Variants in DCAF13 observed in about 807,000 individuals in gnomAD.
DCAF13 encodes the protein DDB1 and CUL4 associated factor 13.
Under a neutral mutation model 59.0 loss-of-function variants are expected in DCAF13, and 38 were observed. That is an observed-to-expected ratio of 0.64 (90% CI 0.50 to 0.84). The LOEUF (loss-of-function observed/expected upper bound fraction) is 0.84. DCAF13 is among the 40% of genes least tolerant of loss of function. The probability of loss-of-function intolerance (pLI) is 0.00; values close to 1 mark genes in which losing one functional copy is unlikely to be tolerated. For synonymous variants in DCAF13, 173 were observed against 175.0 expected, an observed-to-expected ratio of 0.99 and a Z score of 0.09; for missense variants, 469 against 558.4, an observed-to-expected ratio of 0.84 and a Z score of 1.61.
At chr8:103,417,248 A>AT (rs956347693) in intron 1 of DCAF13, among the ~76,000 whole-genome samples, 5 of 152,034 alleles carry the variant, frequency 3.3e-5, no homozygotes, top group African/African-American at 7.2e-5. Context: ...TACTGCTTGA[A>AT]TTTTTTTTAT....
At chr8:103,430,391 CTAAA>C (rs10541932) in intron 5 of DCAF13, 129,708 of 289,042 alleles carry the variant, frequency 0.45, 30,258 homozygotes, top group African/African-American at 0.49. Flanking sequence ...GACTCTGTCT[CTAAA>C]TAAATAAATA....
Position 103,430,657 on chromosome 8 carries a change from T to C in DCAF13, c.670T>C (p.Tyr224His). Residue 224 changes from tyrosine to histidine, a missense_variant, in exon 6 of 11, where the codon TAC becomes CAC. This residue lies in a region of DCAF13 where 355 missense variants were observed against 399.1 expected (regional missense o/e 0.89). Transcript: ENST00000612750. ...SCASDRNIVLYDMRQATPLKK... is the reference protein window; with the variant it reads ...SCASDRNIVLHDMRQATPLKK... ...TGCATCTGACAGGAATATAGTACTG[T>C]ACGATATGAGGCAAGCTACTCCTTT... is the stretch of plus-strand genomic sequence containing the variant. 1.2e-6 allele frequency: 2 copies of C among 1,611,146 alleles called. No individual in the cohort carries two copies. The highest frequency in any genetic ancestry group is 1.7e-6 in the Non-Finnish European group (2 of 1,178,572).
At chr8:103,415,972 T>C (rs1816605116) in intron 1 of DCAF13, among the ~76,000 whole-genome samples, 1 of 152,286 alleles carries the variant, frequency 6.6e-6, no homozygotes, top group Non-Finnish European at 1.5e-5. Context: ...AGTTTTCTCT[T>C]ACCATCCCTT....
intron 1 of DCAF13, among the ~76,000 whole-genome samples, chr8:103,416,284 G>A (rs1350304053): frequency 1.3e-5 from 2 of 151,174 alleles, no homozygotes; most frequent in Non-Finnish European, 3.0e-5. Context: ...TTATCAACAT[G>A]TGTGTGAGCA....
rs760009356 is a variant in DCAF13, at chr8:103,421,252, A to T, written c.378+170A>T. The stretch of plus-strand genomic sequence containing the variant: ...ATTACTAGTTTTCTTTATATAATTC[A>T]GCCTTCCCCATAACTTAACATGATT... On this transcript the variant is annotated intron_variant, in intron 3 of 10. Transcript: ENST00000612750. 1.0e-5 allele frequency: 7 copies of T among 688,028 alleles called. No homozygotes were observed. The South Asian group carries it at 1.1e-4, about 11-fold the overall frequency. The allele number at this position is 688,028 out of a possible 1,614,324, so 42.6% of individuals were successfully genotyped here. A position where few individuals can be genotyped will look rare whatever the true frequency, so the allele number is the denominator to read the frequency against.
chr8:103,440,118 T>C lies in DCAF13; in HGVS notation c.951-18T>C. On this transcript the variant is annotated intron_variant, in intron 8 of 10. Transcript: ENST00000612750. ...GTACCAAAATCCAAAGGGTTTTAACTTAATTCGTTTTCTATAGGGAGGTAT... is the reference window on the plus strand; with the variant it reads ...GTACCAAAATCCAAAGGGTTTTAACCTAATTCGTTTTCTATAGGGAGGTAT... The C allele has an allele frequency of 6.5e-7, 1 of 1,534,518 alleles. No individual in the cohort carries two copies. Among genetic ancestry groups the C allele is most frequent in the Non-Finnish European group, 8.7e-7 (1 of 1,148,454 alleles).
Position 103,441,556 on chromosome 8 carries a change from A to G in DCAF13, c.1188A>G (p.Leu396=), listed in dbSNP as rs550429040. 5.0e-6 allele frequency: 8 copies of G among 1,609,122 alleles called. No homozygotes were observed. The Admixed American group carries it at 6.9e-5, about 14-fold the overall frequency. ...AACGTATAGCTCGTCATCGACATCT[A>G]CCAAAATCTATCTATAGCCAGATTC... ...HIKRIARHRH[L]PKSIYSQIQE... The change falls in exon 10 of 11, where the codon CTA becomes CTG. Residue 396 remains leucine (L), a synonymous_variant. Transcript: ENST00000612750.
At chr8:103,424,704 A>G (rs2130481156) in intron 3 of DCAF13, among the ~76,000 whole-genome samples, 1 of 152,214 alleles carries the variant, frequency 6.6e-6, no homozygotes, top group East Asian at 1.9e-4. Context: ...AACTTGATGG[A>G]GGGATAGCGT....
intron 7 of DCAF13, among the ~76,000 whole-genome samples, chr8:103,433,905 A>G (rs1243771435): frequency 6.6e-6 from 1 of 152,084 alleles, no homozygotes; most frequent in African/African-American, 2.4e-5. Context: ...CAAGAGTAAT[A>G]CAGCATTATT....
intron 9 of DCAF13, 40 bp from the exon 10 acceptor site, chr8:103,441,415 A>G (rs746806965): frequency 2.6e-6 from 4 of 1,540,464 alleles, no homozygotes; most frequent in Non-Finnish European, 3.5e-6. Flanking sequence ...GAAGCAAAAC[A>G]ACACACTATT....
intron 1 of DCAF13, among the ~76,000 whole-genome samples, chr8:103,418,135 AAAG>A (rs1160680798): frequency 6.6e-6 from 1 of 152,024 alleles, no homozygotes; most frequent in Non-Finnish European, 1.5e-5. Context: ...CTCAAAAAAA[AAAG>A]AAAAAAAAAG....
At chr8:103,431,608 T>C (rs1015489375) in intron 6 of DCAF13, among the ~76,000 whole-genome samples, 1 of 152,210 alleles carries the variant, frequency 6.6e-6, no homozygotes, top group Non-Finnish European at 1.5e-5. Context: ...GTCTTAGACT[T>C]TTAAGCACGT....
At chr8:103,418,866 ATTTTTTTTTTTT>A (rs1159489554) in intron 1 of DCAF13, among the ~76,000 whole-genome samples, 14 of 38,422 alleles carry the variant, frequency 3.6e-4, no homozygotes, top group African/African-American at 1.1e-3. Flanking sequence ...ATATATATAT[ATTTTTTTTTTTT>A]TTTTTTTTTT....
At chr8:103,416,615 C>T in intron 1 of DCAF13, among the ~76,000 whole-genome samples, 1 of 152,204 alleles carries the variant, frequency 6.6e-6, no homozygotes, top group Admixed American at 6.5e-5. Context: ...TGAGCCCCGC[C>T]CCCTTCAGCA....
At chr8:103,429,909 T>C (rs1816839447) in intron 5 of DCAF13, 1 of 152,182 alleles carries the variant, frequency 6.6e-6, no homozygotes. Context: ...ACCTTTTGAT[T>C]CAGTAATGTC....
intron 5 of DCAF13, chr8:103,428,745 T>G (rs1448551367): frequency 6.6e-6 from 1 of 152,180 alleles, no homozygotes; most frequent in Non-Finnish European, 1.5e-5. Context: ...CAGACACTGG[T>G]TCTTACTATT....
chr8:103,436,565 A>G (rs1321952472), intron 8 of DCAF13, among the ~76,000 whole-genome samples: 2 of 152,192 alleles, frequency 1.3e-5, no homozygotes. Context: ...TATTAAATAC[A>G]GTATCTATTT....
intron 6 of DCAF13, among the ~76,000 whole-genome samples, 180 bp from the exon 7 acceptor site, chr8:103,432,479 C>A (rs1327796442): frequency 6.6e-6 from 1 of 152,142 alleles, no homozygotes; most frequent in East Asian, 1.9e-4. Context: ...TTAAGCATTT[C>A]TATTTTTATA....
intron 2 of DCAF13, 30 bp from the exon 3 acceptor site, chr8:103,420,945 A>G: frequency 1.5e-6 from 2 of 1,370,088 alleles, no homozygotes; most frequent in Non-Finnish European, 2.1e-6. Context: ...TTTATAGTTC[A>G]CTGAAATTTC....
Sources: gnomAD v4.1 joint callset for allele counts (sites outside exome capture counted in the v4.1 genomes callset) on GRCh38, gnomAD v4.1.1 for gene constraint, gnomAD v4.1.1 regional missense constraint, MANE v1.5 for transcripts, NCBI Gene and HGNC (gene_info 2026-07-23, HGNC 2026-07-21) for gene names.